The following TMEM143 variants were observed in gnomAD, a reference collection of about 807,000 sequenced individuals.
TMEM143 encodes transmembrane protein 143.
In TMEM143, 45 loss-of-function variants were observed where a neutral mutation model predicts 40.3. That is an observed-to-expected ratio of 1.12 (90% CI 0.88 to 1.43). TMEM143 has a LOEUF of 1.43. Ranked by LOEUF, TMEM143 falls within the 40% of genes most tolerant of loss-of-function variation. TMEM143 has a pLI of 0.00. For missense variants in TMEM143, 620 were observed against 613.4 expected (o/e 1.01, Z -0.11); for synonymous variants, 299 against 282.7 (o/e 1.06, Z -0.58).
At chr19:48,344,729 G>A (rs1969582587) in intron 4 of TMEM143, among the ~76,000 whole-genome samples, 1 of 151,184 alleles carries the variant, frequency 6.6e-6, no homozygotes, top group African/African-American at 2.4e-5. Context: ...TTTTCCAGAT[G>A]GAGTTTCACT....
rs983548258 is a variant in TMEM143, at chr19:48,363,772, TACA to T, written c.23+123_23+125del. The T allele has an allele frequency of 3.9e-6, 6 of 1,519,222 alleles. No individual in the cohort carries two copies. The African/African-American group carries it at 8.2e-5, about 21-fold the overall frequency. 94.1% of individuals were successfully genotyped at this position (1,519,222 alleles called of 1,614,324 possible). ...TTCAGGCCCAGAGACCCTGTAGTGG[TACA>T]ACGTTTCTTTGGGGTCTAGACAGCG... On this transcript the variant is annotated intron_variant, in intron 1 of 7. Transcript: ENST00000293261.
At chr19:48,356,102 G>A (rs1969884719) in intron 3 of TMEM143, among the ~76,000 whole-genome samples, 1 of 151,728 alleles carries the variant, frequency 6.6e-6, no homozygotes, top group Admixed American at 6.6e-5. Context: ...TCTGCCCCAT[G>A]TGCCTTTTTC....
At chr19:48,356,112 C>A (rs1404069763) in intron 3 of TMEM143, among the ~76,000 whole-genome samples, 1 of 151,710 alleles carries the variant, frequency 6.6e-6, no homozygotes, top group African/African-American at 2.4e-5. Flanking sequence ...GTGCCTTTTT[C>A]CTTTTTTTTT....
chr19:48,333,414 C>G lies in TMEM143; in HGVS notation c.1185G>C (p.Arg395=). 1.3e-6 allele frequency: 2 copies of G among 1,598,874 alleles called. No homozygotes were observed. Among genetic ancestry groups the G allele is most frequent in the Non-Finnish European group, 1.7e-6 (2 of 1,170,540 alleles). ...GSPEETSRWL[R]SEVENWLLAK... ...CTAGGAGCCAGTTCTCCACCTCCGACCGGAGCCACCTGGAGGTCTCTGCAA... is the reference window on the plus strand; with the variant it reads ...CTAGGAGCCAGTTCTCCACCTCCGAGCGGAGCCACCTGGAGGTCTCTGCAA... The change falls in exon 8 of 8, where the codon CGG becomes CGC. Residue 395 remains arginine (R), a synonymous_variant. Coordinates refer to ENST00000293261, the MANE Select transcript of TMEM143 (RefSeq NM_018273.4). This position sits in a 1 kb window ranked among gnomAD's most constrained non-coding sequence, Gnocchi z 4.1.
intron 1 of TMEM143, 81 bp downstream of exon 1, chr19:48,363,817 A>C (rs533602153): frequency 1.9e-6 from 3 of 1,599,830 alleles, no homozygotes; most frequent in Admixed American, 3.3e-5. Context: ...ATCTTAGGAG[A>C]GCAGGAAATG....
intron 4 of TMEM143, 29 bp from the exon 5 acceptor site, chr19:48,343,480 G>T (rs1345209727): frequency 1.6e-5 from 25 of 1,551,832 alleles, no homozygotes; most frequent in Non-Finnish European, 2.1e-5. Context: ...AAGCAGTGGC[G>T]GGTGAACATG....
chr19:48,361,114 G>A (rs1970031001), intron 2 of TMEM143, among the ~76,000 whole-genome samples: 1 of 152,012 alleles, frequency 6.6e-6, no homozygotes, highest in Non-Finnish European at 1.5e-5. Flanking sequence ...ATTTGTCAGT[G>A]GGAGAAACTG....
intron 3 of TMEM143, among the ~76,000 whole-genome samples, chr19:48,354,051 C>A (rs1414702718): frequency 6.8e-6 from 1 of 147,202 alleles, no homozygotes; most frequent in African/African-American, 2.5e-5. Flanking sequence ...CTCCGCCTCC[C>A]GGGTTCAAGT....
At chr19:48,344,449 C>T (rs1259457268) in intron 4 of TMEM143, among the ~76,000 whole-genome samples, 2 of 151,480 alleles carry the variant, frequency 1.3e-5, no homozygotes, top group Non-Finnish European at 2.9e-5. Flanking sequence ...CCACCATATC[C>T]AACTAATTTT....
At chr19:48,342,500 C>A in intron 6 of TMEM143, 30 bp downstream of exon 6, 1 of 1,574,848 alleles carries the variant, frequency 6.3e-7, no homozygotes, top group Admixed American at 1.8e-5. Flanking sequence ...CAGCGCAGGG[C>A]CGCAGGAGGC....
At chr19:48,341,146 T>A (rs1052438977) in intron 6 of TMEM143, among the ~76,000 whole-genome samples, 1 of 152,054 alleles carries the variant, frequency 6.6e-6, no homozygotes, top group African/African-American at 2.4e-5. Flanking sequence ...CGACAGATGC[T>A]TCACACCAGT....
Position 48,333,016 on chromosome 19 carries a change from T to C in TMEM143, c.*203A>G, listed in dbSNP as rs368889848. 738 of 406,712 alleles carry C rather than the reference T, an allele frequency of 1.8e-3. 5 individuals carry two copies. Among genetic ancestry groups the C allele is most frequent in the African/African-American group, 0.013 (619 of 49,158 alleles). The allele number at this position is 406,712 out of a possible 1,614,324, so 25.2% of individuals were successfully genotyped here. ...GAGCTAAATCGCTTTGATTGGCTGT[T>C]CATCGAAGGGGCGGGGAAGACTTAA... On this transcript the variant is annotated 3_prime_UTR_variant, in exon 8 of 8. Coordinates refer to ENST00000293261, the MANE Select transcript of TMEM143 (RefSeq NM_018273.4). The surrounding 1 kb of genome is among the most constrained non-coding windows in gnomAD (Gnocchi z 4.1).
chr19:48,357,052 A>G lies in TMEM143; in HGVS notation c.369+3020T>C, dbSNP rs1034804538. On this transcript the variant is annotated intron_variant, in intron 3 of 7. Coordinates refer to ENST00000293261, the MANE Select transcript of TMEM143 (RefSeq NM_018273.4). ...CCTGAGTAGCTGGGATGACAGGCAC[A>G]TGCCACCACACCTGGCTAATTTTTG... is the stretch of plus-strand genomic sequence containing the variant. 4.0e-4 allele frequency among the ~76,000 whole-genome samples: 60 copies of G among 150,298 alleles called. 1 individual carries two copies. Among genetic ancestry groups the G allele is most frequent in the Admixed American group, 4.0e-4 (6 of 15,038 alleles).
intron 2 of TMEM143, among the ~76,000 whole-genome samples, chr19:48,362,064 G>A (rs982629644): frequency 2.7e-5 from 4 of 147,502 alleles, no homozygotes; most frequent in East Asian, 1.9e-4. Context: ...TTGTGTGTGC[G>A]TGTATTTGTG....
intron 3 of TMEM143, among the ~76,000 whole-genome samples, chr19:48,347,477 C>T (rs573759025): frequency 3.3e-5 from 5 of 152,062 alleles, no homozygotes; most frequent in Non-Finnish European, 7.4e-5. Flanking sequence ...CTCTGGGAAG[C>T]CAAGGTGGGA....
At chr19:48,357,254 G>C (rs1969926328) in intron 3 of TMEM143, among the ~76,000 whole-genome samples, 1 of 151,668 alleles carries the variant, frequency 6.6e-6, no homozygotes, top group Non-Finnish European at 1.5e-5. Flanking sequence ...ACCGCGCCCG[G>C]CAGTACTACC....
intron 6 of TMEM143, 40 bp from the exon 7 acceptor site, chr19:48,334,237 G>A: frequency 1.3e-6 from 2 of 1,548,580 alleles, no homozygotes; most frequent in Non-Finnish European, 1.7e-6. Flanking sequence ...AGTTCGGGGT[G>A]CGCCCCCACC....
chr19:48,360,282 G>C (rs1970009373), intron 2 of TMEM143, 106 bp from the exon 3 acceptor site: 1 of 1,191,280 alleles, frequency 8.4e-7, no homozygotes. Flanking sequence ...TCTGGACTTT[G>C]AAGTTTTGTT....
rs762192974 is a variant in TMEM143 at position 48,345,310 on chromosome 19, C to T, written c.414G>A (p.Gln138=). 7.5e-6 allele frequency: 12 copies of T among 1,597,066 alleles called. No individual in the cohort carries two copies. Among genetic ancestry groups the T allele is most frequent in the Non-Finnish European group, 6.8e-6 (8 of 1,172,244 alleles). Residue 138 remains glutamine, a synonymous_variant, in exon 4 of 8, where the codon CAG becomes CAA. Coordinates refer to ENST00000293261, the MANE Select transcript of TMEM143 (RefSeq NM_018273.4). The part of the protein sequence containing the change: ...PINPDRETLD[Q]PSLTDPQRLS... The stretch of plus-strand genomic sequence containing the variant: ...GACGCTGGGGATCCGTTAGTGATGG[C>T]TGATCGAGGGTCTCCCTGTCAGGGT...
Sources: allele counts gnomAD v4.1 joint callset (sites outside exome capture counted in the v4.1 genomes callset), GRCh38; gene constraint gnomAD v4.1.1; non-coding constraint Gnocchi (gnomAD v3.1); transcripts MANE v1.5; gene names NCBI Gene and HGNC (gene_info 2026-07-23, HGNC 2026-07-21).